The following SHISAL1 variants were observed in gnomAD, a reference collection of about 807,000 sequenced individuals.
SHISAL1 encodes the protein protein shisa-like-1.
Under a neutral mutation model 22.6 loss-of-function variants are expected in SHISAL1, and 9 were observed. The ratio of observed to expected loss-of-function variants is 0.40; its 90% CI spans 0.24 to 0.70. SHISAL1 has a LOEUF of 0.70. Among genes scored for constraint, SHISAL1 ranks in the 30% least tolerant of loss-of-function variants. SHISAL1 has a pLI of 0.39. For missense variants in SHISAL1, 246 were observed against 270.6 expected (o/e 0.91, Z 0.64); for synonymous variants, 119 against 115.4 (o/e 1.03, Z -0.20).
At chr22:44,284,562 C>T (rs2055298159) in intron 4 of SHISAL1, among the ~76,000 whole-genome samples, 1 of 152,150 alleles carries the variant, frequency 6.6e-6, no homozygotes, top group Admixed American at 6.5e-5. Context: ...TGCCCTGAGC[C>T]CTGTGTGCCC....
At chr22:44,263,561 G>A (rs1028262497) in intron 4 of SHISAL1, among the ~76,000 whole-genome samples, 1 of 152,190 alleles carries the variant, frequency 6.6e-6, no homozygotes, top group Non-Finnish European at 1.5e-5. Flanking sequence ...TGGAGTTGAG[G>A]GTTTTGGGAG....
intron 4 of SHISAL1, among the ~76,000 whole-genome samples, chr22:44,264,115 C>A (rs1376983155): frequency 6.6e-6 from 1 of 152,196 alleles, no homozygotes; most frequent in African/African-American, 2.4e-5. Context: ...CAGGCTGGGG[C>A]CAAGATGGGA....
chr22:44,301,991 G>C (rs915178039), intron 1 of SHISAL1, among the ~76,000 whole-genome samples: 1 of 152,112 alleles, frequency 6.6e-6, no homozygotes, highest in Non-Finnish European at 1.5e-5. Context: ...GGTGCATGGT[G>C]GGGAGGGTCG....
chr22:44,329,384 C>T, the SHISAL1 span, among the ~76,000 whole-genome samples: 1 of 152,146 alleles, frequency 6.6e-6, no homozygotes, highest in African/African-American at 2.4e-5. Context: ...CCCCTCTCAT[C>T]TGGTCCACCT....
chr22:44,279,097 C>T (rs764664958), intron 4 of SHISAL1, among the ~76,000 whole-genome samples: 2 of 152,126 alleles, frequency 1.3e-5, no homozygotes, highest in Non-Finnish European at 2.9e-5. Context: ...ACCCGCCTGC[C>T]GCCCATGGTA....
chr22:44,331,526 C>T, the SHISAL1 span, among the ~76,000 whole-genome samples: 1 of 150,366 alleles, frequency 6.7e-6, no homozygotes, highest in South Asian at 2.1e-4. This position sits in a 1 kb window ranked among gnomAD's most constrained non-coding sequence, Gnocchi z 5.2. Context: ...TTCCTCGCTT[C>T]GTAGCCGGGA....
intron 4 of SHISAL1, among the ~76,000 whole-genome samples, chr22:44,279,486 G>A (rs909286651): frequency 2.0e-5 from 3 of 152,242 alleles, no homozygotes; most frequent in African/African-American, 7.2e-5. Context: ...CAAGGACCCT[G>A]GCTGCAGAGC....
At chr22:44,281,231 A>T (rs2055274223) in intron 4 of SHISAL1, among the ~76,000 whole-genome samples, 1 of 152,056 alleles carries the variant, frequency 6.6e-6, no homozygotes, top group African/African-American at 2.4e-5. Flanking sequence ...CATCCCTTAC[A>T]CGGGATTTGC....
intron 4 of SHISAL1, among the ~76,000 whole-genome samples, chr22:44,282,070 G>A (rs920039083): frequency 1.3e-5 from 2 of 152,222 alleles, no homozygotes; most frequent in African/African-American, 4.8e-5. Context: ...CTGCCGCCAG[G>A]GCCTTCAATA....
chr22:44,273,702 T>C (rs577437441), intron 4 of SHISAL1, among the ~76,000 whole-genome samples: 3 of 152,320 alleles, frequency 2.0e-5, no homozygotes, highest in African/African-American at 4.8e-5. Context: ...CATGACTTGA[T>C]TTCAAGTCAA....
chr22:44,316,396 C>G (rs1046946161), upstream of SHISAL1, among the ~76,000 whole-genome samples: 2 of 129,710 alleles, frequency 1.5e-5, no homozygotes, highest in Admixed American at 1.9e-4. Context: ...CCTGTTGGAT[C>G]AGAACCAGGG....
the SHISAL1 span, among the ~76,000 whole-genome samples, chr22:44,327,757 G>A: frequency 6.6e-6 from 1 of 152,254 alleles, no homozygotes; most frequent in East Asian, 1.9e-4. Flanking sequence ...TGAGACCAGC[G>A]CCTATGGAAT....
intron 4 of SHISAL1, among the ~76,000 whole-genome samples, chr22:44,271,141 C>T (rs529199799): frequency 1.1e-4 from 16 of 152,272 alleles, no homozygotes; most frequent in African/African-American, 3.9e-4. Context: ...AGGTGGAGCT[C>T]ATTTACTCCC....
chr22:44,286,438 T>G (rs533779088), intron 3 of SHISAL1, among the ~76,000 whole-genome samples: 1 of 152,038 alleles, frequency 6.6e-6, no homozygotes, highest in Non-Finnish European at 1.5e-5. Context: ...GCGGGAGGGT[T>G]TGGAAGCCCG....
intron 2 of SHISAL1, among the ~76,000 whole-genome samples, chr22:44,300,054 CAG>C (rs1337164407): frequency 6.7e-6 from 1 of 149,622 alleles, no homozygotes; most frequent in Non-Finnish European, 1.5e-5. Flanking sequence ...GACAGAGAGA[CAG>C]AGACAGACAC....
At chr22:44,296,502 C>T (rs1394838656) in intron 3 of SHISAL1, among the ~76,000 whole-genome samples, 170 bp downstream of exon 3, 1 of 152,228 alleles carries the variant, frequency 6.6e-6, no homozygotes, top group Admixed American at 6.5e-5. Flanking sequence ...ACTTAGAAGG[C>T]ACAATGGGCC....
chr22:44,329,800 G>C, the SHISAL1 span, among the ~76,000 whole-genome samples: 1 of 152,190 alleles, frequency 6.6e-6, no homozygotes, highest in Non-Finnish European at 1.5e-5. Flanking sequence ...CATGGAGATT[G>C]TACTGGTTGA....
chr22:44,303,794 C>A (rs1312594194), intron 1 of SHISAL1, among the ~76,000 whole-genome samples: 1 of 152,130 alleles, frequency 6.6e-6, no homozygotes, highest in Non-Finnish European at 1.5e-5. Context: ...GATGGTGGGG[C>A]CTGGAGAGCC....
chr22:44,258,818 T>G (rs866922334), intron 4 of SHISAL1, among the ~76,000 whole-genome samples: 1 of 152,226 alleles, frequency 6.6e-6, no homozygotes, highest in Non-Finnish European at 1.5e-5. Context: ...CACTTCCATG[T>G]TCCCAGCATT....
Sources: allele counts gnomAD v4.1 joint callset (sites outside exome capture counted in the v4.1 genomes callset), GRCh38; gene constraint gnomAD v4.1.1; non-coding constraint Gnocchi (gnomAD v3.1); transcripts MANE v1.5; gene names NCBI Gene and HGNC (gene_info 2026-07-23, HGNC 2026-07-21).